TAFA2: variants seen among roughly 807,000 people sequenced by gnomAD.
TAFA2 encodes chemokine-like protein TAFA-2.
A neutral mutation model predicts 18.8 loss-of-function variants in TAFA2; 7 were observed. The observed-to-expected ratio is 0.37, with a 90% CI of 0.21 to 0.70. The LOEUF (loss-of-function observed/expected upper bound fraction) is 0.70. TAFA2 is among the 30% of genes least tolerant of loss of function. The pLI is 0.53. For missense variants in TAFA2, 122 were observed against 158.1 expected (o/e 0.77, Z 1.23); for synonymous variants, 60 against 54.2 (o/e 1.11, Z -0.47).
chr12:61,882,683 A>C (rs2121275608), intron 1 of TAFA2, among the ~76,000 whole-genome samples: 1 of 152,296 alleles, frequency 6.6e-6, no homozygotes, highest in Non-Finnish European at 1.5e-5. Context: ...CTTTCCAGAA[A>C]GCACCTTAAA....
intron 1 of TAFA2, among the ~76,000 whole-genome samples, chr12:61,889,371 C>T (rs1166081991): frequency 7.9e-5 from 12 of 152,160 alleles, no homozygotes; most frequent in Admixed American, 5.9e-4. Flanking sequence ...GCGTTGTTCC[C>T]TATGGCTCAG....
At chr12:62,105,273 T>G (rs1294397521) in intron 1 of TAFA2, among the ~76,000 whole-genome samples, 1 of 152,188 alleles carries the variant, frequency 6.6e-6, no homozygotes, top group Non-Finnish European at 1.5e-5. Flanking sequence ...TAATATGTCA[T>G]GCCAAACCAC....
chr12:61,883,661 G>A (rs1875247044), intron 1 of TAFA2, among the ~76,000 whole-genome samples: 1 of 152,098 alleles, frequency 6.6e-6, no homozygotes, highest in African/African-American at 2.4e-5. Context: ...CCAAATTTAA[G>A]GAGTCAAAAG....
chr12:61,862,782 A>C (rs905419672), intron 2 of TAFA2, among the ~76,000 whole-genome samples: 2 of 152,140 alleles, frequency 1.3e-5, no homozygotes, highest in African/African-American at 4.8e-5. Flanking sequence ...GGCTGACTCT[A>C]CTGGAAACTT....
chr12:61,840,130 G>A (rs971595443), intron 2 of TAFA2, among the ~76,000 whole-genome samples: 2 of 152,038 alleles, frequency 1.3e-5, no homozygotes, highest in African/African-American at 4.8e-5. Context: ...CTTTAGAGGG[G>A]CAGTTATTCA....
At chr12:61,730,241 A>G (rs1870376328) in intron 4 of TAFA2, among the ~76,000 whole-genome samples, 1 of 152,004 alleles carries the variant, frequency 6.6e-6, no homozygotes, top group African/African-American at 2.4e-5. Context: ...CAGACTCAGG[A>G]CCTCTGGTTA....
intron 2 of TAFA2, among the ~76,000 whole-genome samples, chr12:61,864,630 G>A (rs540890610): frequency 3.3e-5 from 5 of 151,416 alleles, no homozygotes; most frequent in Admixed American, 2.0e-4. Context: ...AAAATTAGTC[G>A]GGCGTGGTGG....
intron 1 of TAFA2, among the ~76,000 whole-genome samples, chr12:62,224,465 G>T (rs1307600245): frequency 6.6e-6 from 1 of 152,054 alleles, no homozygotes; most frequent in African/African-American, 2.4e-5. Context: ...ATGGTGGAAG[G>T]GGCCAGGGAG....
chr12:62,093,992 G>A (rs1868835023), intron 1 of TAFA2, among the ~76,000 whole-genome samples: 1 of 152,008 alleles, frequency 6.6e-6, no homozygotes, highest in African/African-American at 2.4e-5. Context: ...AGGTTAAAAT[G>A]AATGTAGCCT....
intron 1 of TAFA2, among the ~76,000 whole-genome samples, chr12:62,017,414 T>C (rs915108170): frequency 1.3e-5 from 2 of 152,206 alleles, no homozygotes; most frequent in African/African-American, 4.8e-5. Context: ...AGCAAGTATA[T>C]GTATTCTTGC....
intron 1 of TAFA2, among the ~76,000 whole-genome samples, chr12:61,898,667 C>A (rs1875963383): frequency 6.6e-6 from 1 of 152,152 alleles, no homozygotes; most frequent in African/African-American, 2.4e-5. Context: ...CTGGGCCCTG[C>A]CCATGAAGCC....
chr12:61,720,665 C>A, intron 4 of TAFA2: 1 of 302,062 alleles, frequency 3.3e-6, no homozygotes. Flanking sequence ...CACAGTTAAT[C>A]CTGTTAGCAC....
In TAFA2 at chr12:61,779,774, C is replaced by T. The variant is rs887509542; in HGVS notation, c.107-24750G>A. 2.0e-5 allele frequency among the ~76,000 whole-genome samples: 3 copies of T among 151,778 alleles called. 1 individual carries two copies. The stretch of plus-strand genomic sequence containing the variant: ...AAAAGCTGCGATAGTATATGCTGGG[C>T]AGGGCTTGAGACTTGCCCAGGTATG... On this transcript the variant is annotated intron_variant, in intron 2 of 4. Transcript: ENST00000416284.
intron 2 of TAFA2, among the ~76,000 whole-genome samples, chr12:61,768,118 C>T (rs570665517): frequency 3.3e-5 from 5 of 152,128 alleles, no homozygotes; most frequent in South Asian, 2.1e-4. Context: ...TGCTATCTCT[C>T]CTGGAAATAT....
In TAFA2 at chr12:61,741,285, AGTGT is replaced by A. The variant is rs148540119; in HGVS notation, c.384+12333_384+12336del. On this transcript the variant is annotated intron_variant, in intron 4 of 4. Transcript: ENST00000416284. ...TCTCTCTGCTCTGTGTGTGTGTGTGAGTGTGTGTGTGTGTGTGTATGTGTCTCCA... is the reference window on the plus strand; with the variant it reads ...TCTCTCTGCTCTGTGTGTGTGTGTGAGTGTGTGTGTGTGTATGTGTCTCCA... 6.2e-3 allele frequency among the ~76,000 whole-genome samples: 907 copies of A among 145,406 alleles called. 3 individuals carry two copies. The highest frequency in any genetic ancestry group is 0.022 in the African/African-American group (855 of 39,678).
At chr12:61,925,100 C>G (rs997164267) in intron 1 of TAFA2, among the ~76,000 whole-genome samples, 1 of 152,100 alleles carries the variant, frequency 6.6e-6, no homozygotes, top group East Asian at 1.9e-4. Context: ...CCTTTAGACA[C>G]CTACAAAGAC....
chr12:62,031,482 C>A (rs923473703), intron 1 of TAFA2, among the ~76,000 whole-genome samples: 1 of 151,824 alleles, frequency 6.6e-6, no homozygotes, highest in African/African-American at 2.4e-5. Flanking sequence ...AATAAACTCC[C>A]CTTTATATAT....
At chr12:61,735,969 G>A (rs1868296835) in intron 4 of TAFA2, among the ~76,000 whole-genome samples, 1 of 151,904 alleles carries the variant, frequency 6.6e-6, no homozygotes, top group African/African-American at 2.4e-5. Context: ...TCTAATTTCA[G>A]GTATTAAAGT....
intron 2 of TAFA2, among the ~76,000 whole-genome samples, chr12:61,852,725 C>A (rs1020075078): frequency 7.9e-5 from 12 of 152,008 alleles, no homozygotes; most frequent in African/African-American, 2.9e-4. Context: ...ACAGGATATA[C>A]ACGAGGAGGG....
Sources: allele counts gnomAD v4.1 joint callset (sites outside exome capture counted in the v4.1 genomes callset), GRCh38; gene constraint gnomAD v4.1.1; transcripts MANE v1.5; gene names NCBI Gene and HGNC (gene_info 2026-07-23, HGNC 2026-07-21).